CEP72: variants seen among roughly 807,000 people sequenced by gnomAD.
CEP72 encodes the protein centrosomal protein 72, also known as centrosomal protein of 72 kDa.
CEP72 carries 78 observed loss-of-function variants against 65.7 expected under a neutral mutation model. That is an observed-to-expected ratio of 1.19 (90% CI 0.99 to 1.43). CEP72 has a LOEUF of 1.43. Ranked by LOEUF, CEP72 falls within the 40% of genes most tolerant of loss-of-function variation. The pLI, the probability that CEP72 is intolerant of heterozygous loss-of-function variation, is 0.00. For missense variants in CEP72, 914 were observed against 832.9 expected (o/e 1.10, Z -1.20); for synonymous variants, 358 against 351.7 (o/e 1.02, Z -0.20).
chr5:637,439 C>T, intron 6 of CEP72, 78 bp from the exon 7 acceptor site: 1 of 1,313,102 alleles, frequency 7.6e-7, no homozygotes, highest in Non-Finnish European at 1.1e-6. Context: ...CACACACATG[C>T]CTTTTAAAAG....
intron 1 of CEP72, among the ~76,000 whole-genome samples, chr5:618,529 G>A (rs982315402): frequency 6.6e-6 from 1 of 152,220 alleles, no homozygotes; most frequent in Non-Finnish European, 1.5e-5. Flanking sequence ...AACCATTGAG[G>A]TGGGCCTGGG....
At chr5:650,726 TGAGGCGTG>T (rs1738976977) in intron 11 of CEP72, among the ~76,000 whole-genome samples, 1 of 48,322 alleles carries the variant, frequency 2.1e-5, no homozygotes. Flanking sequence ...GCGTGGACTG[TGAGGCGTG>T]GACTGTGAGG....
At chr5:648,827 GGT>G (rs1268002726) in intron 11 of CEP72, among the ~76,000 whole-genome samples, 6 of 136,476 alleles carry the variant, frequency 4.4e-5, no homozygotes, top group Middle Eastern at 4.8e-3. Flanking sequence ...GTGACTGTGA[GGT>G]GTGACTGTGA....
At chr5:675,003 A>AG in the CEP72 span, among the ~76,000 whole-genome samples, 99 of 74,696 alleles carry the variant, frequency 1.3e-3, 2 homozygotes, top group African/African-American at 4.9e-3. Flanking sequence ...GGGAGCAGTG[A>AG]GGGGGGCACA....
At chr5:648,715 T>A (rs1355792007) in intron 11 of CEP72, among the ~76,000 whole-genome samples, 4 of 125,212 alleles carry the variant, frequency 3.2e-5, no homozygotes, top group East Asian at 2.6e-4. Flanking sequence ...GAGGCGTGAC[T>A]GTGAGGCGTG....
intron 6 of CEP72, among the ~76,000 whole-genome samples, chr5:636,998 G>A (rs1272097257): frequency 1.3e-5 from 2 of 152,066 alleles, no homozygotes; most frequent in South Asian, 2.1e-4. Flanking sequence ...TGCCCGTTTT[G>A]TGCCTTCTCC....
At chr5:635,196 C>G (rs1235768245) in intron 5 of CEP72, among the ~76,000 whole-genome samples, 176 bp from the exon 6 acceptor site, 1 of 152,232 alleles carries the variant, frequency 6.6e-6, no homozygotes, top group Non-Finnish European at 1.5e-5. Flanking sequence ...GTTCCCAGTT[C>G]CAAGCTCTCT....
intron 6 of CEP72, among the ~76,000 whole-genome samples, chr5:636,671 A>G (rs1226527286): frequency 6.6e-6 from 1 of 152,048 alleles, no homozygotes. Flanking sequence ...ATATCTGGGC[A>G]TGGTGGCGGG....
At chr5:621,100 G>A (rs557091258) in intron 3 of CEP72, among the ~76,000 whole-genome samples, 1 of 152,274 alleles carries the variant, frequency 6.6e-6, no homozygotes, top group South Asian at 2.1e-4. Context: ...ACATGTCGTG[G>A]TGGGGAGACC....
At chr5:649,608 TG>T (rs749841417) in intron 11 of CEP72, among the ~76,000 whole-genome samples, 2,614 of 15,032 alleles carry the variant, frequency 0.17, 4 homozygotes, top group South Asian at 0.27. Context: ...CTGTGAGGCG[TG>T]GACTGTGAGG....
chr5:649,898 T>G (rs1319293543), intron 11 of CEP72, among the ~76,000 whole-genome samples: 1 of 103,316 alleles, frequency 9.7e-6, no homozygotes, highest in African/African-American at 4.2e-5. Flanking sequence ...GACTGTGAGG[T>G]GTGACTGAGG....
At position 645,826 on chromosome 5, in the gene CEP72, G is replaced by T. The variant is rs1000742172; in HGVS notation, c.1666+1401G>T. Among the ~76,000 whole-genome samples the T allele has an allele frequency of 2.0e-5, 3 of 152,242 alleles. No homozygotes were observed. The highest frequency in any genetic ancestry group is 4.4e-5 in the Non-Finnish European group (3 of 68,050). On this transcript the variant is annotated intron_variant, in intron 10 of 11. Transcript: ENST00000264935. The surrounding 1 kb of genome is among the most constrained non-coding windows in gnomAD (Gnocchi z 4.0). Reference sequence around the variant, plus strand: ...TAGTGTTTAATGTTAGAGGTGTCTTGGTCTTTGGTGGTTTGGTGATGTTCT... The same window carrying T: ...TAGTGTTTAATGTTAGAGGTGTCTTTGTCTTTGGTGGTTTGGTGATGTTCT...
Position 624,447 on chromosome 5 carries a change from G to A in CEP72, c.404-24G>A. ...CCGCCCGCCGCTTGCCACCTGCACA[G>A]TCTTGTGTGGCCTTTTCTTCTAGAC... On this transcript the variant is annotated intron_variant, in intron 3 of 11. Transcript: ENST00000264935. The surrounding 1 kb of genome is among the most constrained non-coding windows in gnomAD (Gnocchi z 4.7). 4.4e-6 allele frequency: 7 copies of A among 1,589,668 alleles called. No homozygotes were observed. The highest frequency in any genetic ancestry group is 1.1e-5 in the South Asian group (1 of 90,688).
In CEP72 at chr5:623,377, A is replaced by G. The variant is rs982579516; in HGVS notation, c.404-1094A>G. Among the ~76,000 whole-genome samples, 2 of 152,210 alleles carry G rather than the reference A, an allele frequency of 1.3e-5. No individual in the cohort carries two copies. Among genetic ancestry groups the G allele is most frequent in the African/African-American group, 4.8e-5 (2 of 41,454 alleles). ...CTCGGTCCTTGGCTCCGCGTGGGTC[A>G]TGGAAAGGCCCCGGTGGTGGAGGAG... On this transcript the variant is annotated intron_variant, in intron 3 of 11. Transcript: ENST00000264935. This position sits in a 1 kb window ranked among gnomAD's most constrained non-coding sequence, Gnocchi z 5.3.
downstream of CEP72, among the ~76,000 whole-genome samples, chr5:670,173 G>A (rs997871842): frequency 5.3e-5 from 8 of 152,278 alleles, no homozygotes; most frequent in East Asian, 1.9e-4. Context: ...ACAGCCCTCC[G>A]AGGACTGAGG....
In CEP72 at chr5:633,456, G is replaced by T. The variant is rs1288321892; in HGVS notation, c.513-313G>T. Among the ~76,000 whole-genome samples the T allele has an allele frequency of 2.0e-5, 3 of 150,124 alleles. No homozygotes were observed. The Admixed American group carries it at 2.0e-4, about 10-fold the overall frequency. Reference sequence around the variant, plus strand: ...TTTAGACCAGTCCTGGTGGGGTTCTGTTCAGTGCCGGGGTTTGGCCCAGTC... The same window carrying T: ...TTTAGACCAGTCCTGGTGGGGTTCTTTTCAGTGCCGGGGTTTGGCCCAGTC... On this transcript the variant is annotated intron_variant, in intron 4 of 11. Transcript: ENST00000264935.
intron 7 of CEP72, among the ~76,000 whole-genome samples, chr5:638,790 G>T (rs1182826902): frequency 6.6e-6 from 1 of 152,184 alleles, no homozygotes; most frequent in Non-Finnish European, 1.5e-5. Flanking sequence ...GCCTGGATGT[G>T]TCTTCCGCTT....
intron 4 of CEP72, among the ~76,000 whole-genome samples, chr5:625,614 C>T (rs897117899): frequency 2.0e-5 from 3 of 152,228 alleles, no homozygotes; most frequent in South Asian, 2.1e-4. Context: ...TCCCTGGGAT[C>T]GCCTCTTCCC....
intron 5 of CEP72, among the ~76,000 whole-genome samples, chr5:635,061 A>G (rs1561044522): frequency 6.6e-6 from 1 of 152,008 alleles, no homozygotes. Context: ...ACACCCAGCT[A>G]ATTTTGTATT....
Sources: gnomAD v4.1 joint callset for allele counts (sites outside exome capture counted in the v4.1 genomes callset) on GRCh38, gnomAD v4.1.1 for gene constraint, Gnocchi (gnomAD v3.1) non-coding constraint, MANE v1.5 for transcripts, NCBI Gene and HGNC (gene_info 2026-07-23, HGNC 2026-07-21) for gene names.